The following GABRB1 variants were observed in gnomAD, a reference collection of about 807,000 sequenced individuals.
GABRB1 encodes gamma-aminobutyric acid type A receptor subunit beta1.
A neutral mutation model predicts 51.6 loss-of-function variants in GABRB1; 17 were observed. The ratio of observed to expected loss-of-function variants is 0.33; its 90% confidence interval spans 0.23 to 0.49. GABRB1 has a LOEUF of 0.49. GABRB1 is among the 20% of genes least tolerant of loss of function. The pLI is 0.99. For synonymous variants in GABRB1, 247 were observed against 218.9 expected (o/e 1.13, Z -1.14); for missense variants, 410 against 600.6 (o/e 0.68, Z 3.32).
chr4:47,293,736 T>C (rs571023832), intron 4 of GABRB1, among the ~76,000 whole-genome samples: 1 of 152,304 alleles, frequency 6.6e-6, no homozygotes, highest in South Asian at 2.1e-4. Flanking sequence ...TCTTGAATAA[T>C]AAAGACACAC....
chr4:47,217,478 C>T (rs1578009098), intron 4 of GABRB1, among the ~76,000 whole-genome samples: 1 of 151,824 alleles, frequency 6.6e-6, no homozygotes. Flanking sequence ...AAAAGATTCA[C>T]CCATGAACGT....
intron 4 of GABRB1, among the ~76,000 whole-genome samples, chr4:47,218,640 A>G (rs1353666771): frequency 6.6e-6 from 1 of 151,760 alleles, no homozygotes; most frequent in African/African-American, 2.4e-5. Flanking sequence ...ATTATTTGAG[A>G]AATGTCTATT....
At position 47,297,721 on chromosome 4, in the gene GABRB1, C is replaced by A. The variant is rs553747731; in HGVS notation, c.462-22406C>A. On this transcript the variant is annotated intron_variant, in intron 4 of 8. Coordinates refer to ENST00000295454, the MANE Select transcript of GABRB1 (RefSeq NM_000812.4). ...CCATTCCTTCTGAAACTATTCCAATCAATAGAAAAAGAGGGAATCCTCCCT... is the reference window on the plus strand; with the variant it reads ...CCATTCCTTCTGAAACTATTCCAATAAATAGAAAAAGAGGGAATCCTCCCT... Among the ~76,000 whole-genome samples, 98 of 152,218 alleles carry A rather than the reference C, an allele frequency of 6.4e-4. No homozygotes were observed. The South Asian group carries it at 0.019, about 29-fold the overall frequency.
intron 4 of GABRB1, among the ~76,000 whole-genome samples, chr4:47,165,945 T>C (rs1175510429): frequency 1.3e-5 from 2 of 152,144 alleles, no homozygotes; most frequent in Non-Finnish European, 2.9e-5. Context: ...ACTTAATCTG[T>C]TGCTTCAATT....
intron 5 of GABRB1, among the ~76,000 whole-genome samples, chr4:47,363,399 G>A (rs943900066): frequency 1.8e-4 from 28 of 152,032 alleles, no homozygotes; most frequent in Non-Finnish European, 2.6e-4. Flanking sequence ...TGTCGGTTAT[G>A]GGGGAGGAAA....
intron 3 of GABRB1, among the ~76,000 whole-genome samples, chr4:47,103,804 C>T (rs1423226025): frequency 1.3e-5 from 2 of 151,784 alleles, no homozygotes; most frequent in Non-Finnish European, 2.9e-5. Flanking sequence ...AAAAATAAGC[C>T]AGGCAAAATT....
intron 4 of GABRB1, among the ~76,000 whole-genome samples, chr4:47,256,925 T>C (rs573753967): frequency 6.6e-6 from 1 of 152,350 alleles, no homozygotes; most frequent in East Asian, 1.9e-4. Context: ...AGGTACTATG[T>C]TGGCCCTACT....
Position 47,344,486 on chromosome 4 carries a change from G to T in GABRB1, c.544+24277G>T, listed in dbSNP as rs186540266. 3.3e-5 allele frequency among the ~76,000 whole-genome samples: 5 copies of T among 152,172 alleles called. No individual in the cohort carries two copies. The East Asian group carries it at 9.7e-4, about 29-fold the overall frequency. On this transcript the variant is annotated intron_variant, in intron 5 of 8. Coordinates refer to ENST00000295454, the MANE Select transcript of GABRB1 (RefSeq NM_000812.4). ...ATTCAAAGGTTATTGTTTTTAGTTT[G>T]GAGGAAACAATACCAAAACATATAG...
At chr4:47,007,604 A>G (rs1025284424) in intron 1 of GABRB1, among the ~76,000 whole-genome samples, 3 of 151,962 alleles carry the variant, frequency 2.0e-5, no homozygotes, top group African/African-American at 7.3e-5. Flanking sequence ...AGTTGACCAC[A>G]TGCTGGGTTT....
At chr4:47,350,218 T>TATATATATATATATATAGAGAG (rs750199965) in intron 5 of GABRB1, among the ~76,000 whole-genome samples, 1 of 56,638 alleles carries the variant, frequency 1.8e-5, no homozygotes, top group African/African-American at 8.1e-5. Context: ...TATATATATA[T>TATATATATATATATATAGAGAG]AGAGAGAGAG....
intron 3 of GABRB1, among the ~76,000 whole-genome samples, chr4:47,150,429 G>A (rs570880353): frequency 1.3e-5 from 2 of 150,528 alleles, no homozygotes; most frequent in East Asian, 2.0e-4. Context: ...TGTTTTAGTT[G>A]TAAAAAACCT....
chr4:47,027,325 T>C (rs1447265213), upstream of GABRB1, among the ~76,000 whole-genome samples: 1 of 151,478 alleles, frequency 6.6e-6, no homozygotes, highest in Non-Finnish European at 1.5e-5. Context: ...AAAATTGCAA[T>C]ATGAATTTTT....
At chr4:47,320,436 T>C (rs551576254) in intron 5 of GABRB1, among the ~76,000 whole-genome samples, 2 of 152,298 alleles carry the variant, frequency 1.3e-5, no homozygotes, top group African/African-American at 2.4e-5. Context: ...ACTCATACTT[T>C]CTCCTTCTCA....
chr4:47,201,902 A>G (rs1202625354), intron 4 of GABRB1, among the ~76,000 whole-genome samples: 1 of 152,128 alleles, frequency 6.6e-6, no homozygotes, highest in East Asian at 1.9e-4. Context: ...TTTTAAATTA[A>G]TTGATATAAA....
intron 3 of GABRB1, among the ~76,000 whole-genome samples, chr4:47,089,512 ATC>A (rs148304420): frequency 1.3e-5 from 2 of 151,918 alleles, no homozygotes; most frequent in African/African-American, 2.4e-5. Context: ...ACGAGAGCAC[ATC>A]TCTCTCTCTC....
At chr4:47,162,944 G>A (rs1718025862) in intron 4 of GABRB1, among the ~76,000 whole-genome samples, 1 of 151,974 alleles carries the variant, frequency 6.6e-6, no homozygotes, top group African/African-American at 2.4e-5. Flanking sequence ...CCTCACACTA[G>A]TTCTCATAGC....
chr4:47,089,909 A>C (rs575247660), intron 3 of GABRB1, among the ~76,000 whole-genome samples: 52 of 152,328 alleles, frequency 3.4e-4, no homozygotes, highest in Non-Finnish European at 6.0e-4. Flanking sequence ...AAATCATTGA[A>C]AAGATCTCAG....
At chr4:47,403,476 A>G in intron 6 of GABRB1, 21 bp downstream of exon 6, 1 of 1,613,788 alleles carries the variant, frequency 6.2e-7, no homozygotes. Context: ...TTCCCCCAAA[A>G]TGTACTAGGG....
chr4:47,069,589 TC>T (rs1553913435), intron 3 of GABRB1, among the ~76,000 whole-genome samples: 3 of 152,132 alleles, frequency 2.0e-5, no homozygotes, highest in Non-Finnish European at 4.4e-5. Flanking sequence ...GGAACCACAC[TC>T]TCTCCAGCCA....
Sources: allele counts gnomAD v4.1 joint callset (sites outside exome capture counted in the v4.1 genomes callset), GRCh38; gene constraint gnomAD v4.1.1; transcripts MANE v1.5; gene names NCBI Gene and HGNC (gene_info 2026-07-23, HGNC 2026-07-21).